Variants in SRGAP2C observed in about 807,000 individuals in gnomAD.
SRGAP2C encodes SLIT-ROBO Rho GTPase activating protein 2C.
Under a neutral mutation model 25.1 loss-of-function variants are expected in SRGAP2C, and 15 were observed. That is an observed-to-expected ratio of 0.60 (90% CI 0.40 to 0.92). SRGAP2C has a LOEUF of 0.92. Ranked by LOEUF, SRGAP2C falls within the 40% of genes least tolerant of loss-of-function variation. The pLI, the probability that SRGAP2C is intolerant of heterozygous loss-of-function variation, is 0.00. For missense variants in SRGAP2C, 144 were observed against 264.4 expected (o/e 0.54, Z 3.16); for synonymous variants, 44 against 96.6 (o/e 0.46, Z 3.19).
At chr1:121,255,138 A>G (rs2101519469) in intron 2 of SRGAP2C, among the ~76,000 whole-genome samples, 1 of 151,580 alleles carries the variant, frequency 6.6e-6, no homozygotes, top group East Asian at 2.0e-4. Flanking sequence ...GAGAGGTCTG[A>G]TATCACTTCA....
chr1:121,315,358 T>C (rs1259954874), intron 3 of SRGAP2C, among the ~76,000 whole-genome samples: 1 of 146,048 alleles, frequency 6.8e-6, no homozygotes, highest in Non-Finnish European at 1.5e-5. Context: ...CCAGAATGCA[T>C]TTGTGACTTG....
chr1:121,308,661 G>T (rs1553339733), intron 3 of SRGAP2C, among the ~76,000 whole-genome samples: 1 of 151,878 alleles, frequency 6.6e-6, no homozygotes, highest in African/African-American at 2.4e-5. Context: ...AGTATGGGCC[G>T]GGTGCGGTGG....
chr1:121,305,028 G>A (rs1205998675), intron 3 of SRGAP2C, among the ~76,000 whole-genome samples: 16 of 151,766 alleles, frequency 1.1e-4, no homozygotes, highest in African/African-American at 3.4e-4. Flanking sequence ...GGGGACATAG[G>A]CCAGACATGC....
chr1:121,222,565 G>C (rs1165830875), intron 2 of SRGAP2C, among the ~76,000 whole-genome samples: 1 of 152,142 alleles, frequency 6.6e-6, no homozygotes. Context: ...GAAGGTCGAG[G>C]CTACGGTGCT....
At chr1:121,235,133 A>C (rs1468690527) in intron 2 of SRGAP2C, among the ~76,000 whole-genome samples, 5 of 138,294 alleles carry the variant, frequency 3.6e-5, no homozygotes, top group African/African-American at 8.4e-5. Flanking sequence ...GCCATTCTCC[A>C]TTCTCCAGCT....
chr1:121,336,149 C>T (rs1181390681), intron 4 of SRGAP2C, among the ~76,000 whole-genome samples: 1 of 152,188 alleles, frequency 6.6e-6, no homozygotes, highest in Non-Finnish European at 1.5e-5. Context: ...ATCTTCCTTA[C>T]AGTGGGCAGC....
At chr1:121,355,289 C>T (rs1372526550) in intron 4 of SRGAP2C, among the ~76,000 whole-genome samples, 8 of 132,334 alleles carry the variant, frequency 6.0e-5, no homozygotes, top group African/African-American at 1.7e-4. Context: ...CTGACAACTG[C>T]GGGTAGATAC....
intron 3 of SRGAP2C, among the ~76,000 whole-genome samples, chr1:121,307,844 GA>G (rs1657879353): frequency 6.6e-6 from 1 of 150,492 alleles, no homozygotes; most frequent in Non-Finnish European, 1.5e-5. Context: ...TGAAGGAACT[GA>G]AGGGTCATTT....
chr1:121,229,282 GTTTTAAT>G lies in SRGAP2C; in HGVS notation c.67+41772_67+41778del, dbSNP rs1655758901. ...ACACCTACTGCCAGATTAATGTTGG[GTTTTAAT>G]TTAGCCCTTCAAGATGATCAATGAC... On this transcript the variant is annotated intron_variant, in intron 2 of 9. Coordinates refer to ENST00000367123, the MANE Select transcript of SRGAP2C (RefSeq NM_001329984.2). 1.9e-5 allele frequency among the ~76,000 whole-genome samples: 2 copies of G among 104,602 alleles called. 1 individual carries two copies. The highest frequency in any genetic ancestry group is 8.0e-4 in the South Asian group (2 of 2,496). 68.6% of individuals were successfully genotyped at this position (104,602 alleles called of 152,430 possible). A position where few individuals can be genotyped will look rare whatever the true frequency, so the allele number is the denominator to read the frequency against.
At chr1:121,255,075 A>T (rs1341065754) in intron 2 of SRGAP2C, among the ~76,000 whole-genome samples, 1 of 151,496 alleles carries the variant, frequency 6.6e-6, no homozygotes, top group Non-Finnish European at 1.5e-5. Flanking sequence ...GGCTCCCTGG[A>T]CTTTTGCTCT....
In SRGAP2C at chr1:121,369,821, CT is replaced by C. The variant is rs782299474; in HGVS notation, c.487-4147del. 3.4e-3 allele frequency among the ~76,000 whole-genome samples: 333 copies of C among 98,070 alleles called. 2 individuals carry two copies. Among genetic ancestry groups the C allele is most frequent in the African/African-American group, 0.014 (317 of 23,330 alleles). The allele number at this position is 98,070 out of a possible 152,430, so 64.3% of individuals were successfully genotyped here. A position where few individuals can be genotyped will look rare whatever the true frequency, so the allele number is the denominator to read the frequency against. On this transcript the variant is annotated intron_variant, in intron 5 of 9. Coordinates refer to ENST00000367123, the MANE Select transcript of SRGAP2C (RefSeq NM_001329984.2). ...CCTTGAAGAGATACTTGAATTGAATCTTTATTGCCAAGAACTCTTTTCTTGT... is the reference window on the plus strand; with the variant it reads ...CCTTGAAGAGATACTTGAATTGAATCTTATTGCCAAGAACTCTTTTCTTGT...
intron 5 of SRGAP2C, among the ~76,000 whole-genome samples, chr1:121,367,145 G>A (rs1252630899): frequency 6.6e-6 from 1 of 151,890 alleles, no homozygotes; most frequent in Non-Finnish European, 1.5e-5. Context: ...TTCAAACTGA[G>A]AATTGCCTGA....
At chr1:121,336,537 C>T (rs1488221250) in intron 4 of SRGAP2C, among the ~76,000 whole-genome samples, 1 of 107,376 alleles carries the variant, frequency 9.3e-6, no homozygotes, top group Non-Finnish European at 2.0e-5. Context: ...TTCCTCCTTC[C>T]CTTCCTTTTC....
chr1:121,309,240 C>A (rs1657921067), intron 3 of SRGAP2C, among the ~76,000 whole-genome samples: 2 of 110,642 alleles, frequency 1.8e-5, no homozygotes, highest in Non-Finnish European at 3.7e-5. Context: ...GTGTGTTAGG[C>A]AGGGCAGGTC....
chr1:121,204,154 C>A (rs782030724), intron 2 of SRGAP2C, among the ~76,000 whole-genome samples: 98 of 131,526 alleles, frequency 7.5e-4, no homozygotes, highest in Middle Eastern at 3.9e-3. Context: ...GAGATCCTGT[C>A]TCCAAAAAAA....
chr1:121,309,442 CT>C (rs1160925847), intron 3 of SRGAP2C, among the ~76,000 whole-genome samples: 1 of 117,460 alleles, frequency 8.5e-6, no homozygotes, highest in Non-Finnish European at 1.8e-5. Flanking sequence ...TTTTTTAATA[CT>C]TTAAGTTTTA....
intron 2 of SRGAP2C, among the ~76,000 whole-genome samples, chr1:121,208,244 T>C (rs1422830442): frequency 6.6e-5 from 10 of 152,198 alleles, no homozygotes; most frequent in Admixed American, 5.9e-4. Flanking sequence ...GGCTCAAGTA[T>C]GTTTGTTAAA....
chr1:121,354,290 CTT>C, intron 4 of SRGAP2C, among the ~76,000 whole-genome samples: 1 of 60,984 alleles, frequency 1.6e-5, no homozygotes, highest in African/African-American at 7.8e-5. Flanking sequence ...TTCTTTCTTT[CTT>C]TCTTTCTTTC....
chr1:121,282,683 T>A (rs1657275569), intron 2 of SRGAP2C, among the ~76,000 whole-genome samples: 2 of 151,220 alleles, frequency 1.3e-5, no homozygotes, highest in Non-Finnish European at 3.0e-5. Context: ...GCCTCCCCAG[T>A]AGCTGGGACC....
Sources: allele counts gnomAD v4.1 joint callset (sites outside exome capture counted in the v4.1 genomes callset), GRCh38; gene constraint gnomAD v4.1.1; transcripts MANE v1.5; gene names NCBI Gene and HGNC (gene_info 2026-07-23, HGNC 2026-07-21).